NFATC3: variants seen among roughly 807,000 people sequenced by gnomAD.
NFATC3 encodes nuclear factor of activated T-cells, cytoplasmic 3.
A neutral mutation model predicts 98.6 loss-of-function variants in NFATC3; 46 were observed. The ratio of observed to expected loss-of-function variants is 0.47; its 90% CI spans 0.37 to 0.60. The LOEUF (loss-of-function observed/expected upper bound fraction) is 0.60, where lower values mean the gene tolerates loss of function less well. Among genes scored for constraint, NFATC3 ranks in the 20% least tolerant of loss-of-function variants. NFATC3 has a pLI of 0.00. For missense variants in NFATC3, 1,256 were observed against 1,295.5 expected, an observed-to-expected ratio of 0.97 and a Z score of 0.47; for synonymous variants, 512 against 472.2, an observed-to-expected ratio of 1.08 and a Z score of -1.09.
chr16:68,186,634 C>T (rs925895440), intron 8 of NFATC3, among the ~76,000 whole-genome samples: 4 of 152,126 alleles, frequency 2.6e-5, no homozygotes, highest in Non-Finnish European at 5.9e-5. Context: ...TCCTTTGATC[C>T]ACATATAAAC....
Position 68,228,167 on chromosome 16 carries a change from C to T in NFATC3, c.*1696C>T, listed in dbSNP as rs569394915. On this transcript the variant is annotated 3_prime_UTR_variant, in exon 10 of 10. Transcript: ENST00000346183. ...ACAAAATATATTTTAGATTTCTCCC[C>T]TAAAGTTAGTTAGAGAAAAAGGTCT... The T allele has an allele frequency of 2.0e-5, 3 of 152,314 alleles. No individual in the cohort carries two copies. The highest frequency in any genetic ancestry group is 7.2e-5 in the African/African-American group (3 of 41,556). The allele number at this position is 152,314 out of a possible 1,614,324, so 9.4% of individuals were successfully genotyped here. A position where few individuals can be genotyped will look rare whatever the true frequency, so the allele number is the denominator to read the frequency against.
At chr16:68,198,115 T>G (rs1158352895) in intron 9 of NFATC3, among the ~76,000 whole-genome samples, 1 of 151,242 alleles carries the variant, frequency 6.6e-6, no homozygotes, top group Non-Finnish European at 1.5e-5. Context: ...AGCCCAGGAG[T>G]TTGAGAATAG....
intron 1 of NFATC3, among the ~76,000 whole-genome samples, chr16:68,104,769 C>T (rs147561310): frequency 0.037 from 5,655 of 151,828 alleles, 117 homozygotes; most frequent in Middle Eastern, 0.15. Context: ...ATTCTCCTGC[C>T]TCAGCCTCCC....
chr16:68,164,583 G>GCTA (rs1332107040), intron 4 of NFATC3, among the ~76,000 whole-genome samples: 1 of 152,106 alleles, frequency 6.6e-6, no homozygotes, highest in Non-Finnish European at 1.5e-5. Flanking sequence ...ATGTAGCAGT[G>GCTA]CTACACCTTG....
Position 68,190,835 on chromosome 16 carries a change from T to C in NFATC3, c.2166T>C (p.His722=). 1.9e-6 allele frequency: 3 copies of C among 1,614,230 alleles called. No individual in the cohort carries two copies. The highest frequency in any genetic ancestry group is 1.1e-5 in the South Asian group (1 of 91,084). Residue 722 remains histidine, a synonymous_variant, in exon 9 of 10, where the codon CAT becomes CAC. Transcript: ENST00000346183. ...CAGTTCCATCTTTGCCTGTGCCTCA[T>C]CCTGCTCAGACCCAGAGGCCTTCCT... ...LSSVPSLPVP[H]PAQTQRPSSD... is the part of the protein sequence containing the mutation.
intron 9 of NFATC3, among the ~76,000 whole-genome samples, chr16:68,192,525 A>G (rs1457936225): frequency 6.6e-6 from 1 of 151,898 alleles, no homozygotes; most frequent in African/African-American, 2.4e-5. Flanking sequence ...GTCCTTTTGC[A>G]AGATGAAGCT....
At position 68,085,399 on chromosome 16, in the gene NFATC3, T is replaced by TGGC; in HGVS notation, c.-278_-276dup. ...CGCGAGAGCGCACCCGCGGCGGCGG[T>TGGC]GGCGGCGACTGTGGGGGGGCGGCGG... On this transcript the variant is annotated 5_prime_UTR_variant, in exon 1 of 10. Coordinates refer to ENST00000346183, the MANE Select transcript of NFATC3 (RefSeq NM_173165.3). The TGGC allele has an allele frequency of 7.3e-6, 1 of 137,856 alleles. No homozygotes were observed. 8.5% of individuals were successfully genotyped at this position (137,856 alleles called of 1,614,324 possible).
At chr16:68,086,657 A>G (rs1598329359) in intron 1 of NFATC3, 1 of 985,434 alleles carries the variant, frequency 1.0e-6, no homozygotes, top group Non-Finnish European at 1.2e-6. Context: ...TCAAAAAGGA[A>G]ATGGATAAGA....
chr16:68,153,644 C>T (rs1474619539), intron 3 of NFATC3, among the ~76,000 whole-genome samples: 4 of 152,092 alleles, frequency 2.6e-5, no homozygotes, highest in Admixed American at 6.6e-5. Flanking sequence ...GACAGAGTCT[C>T]GCTCTGTCGC....
At chr16:68,210,439 C>T (rs73612259) in intron 9 of NFATC3, among the ~76,000 whole-genome samples, 1,999 of 152,212 alleles carry the variant, frequency 0.013, 43 homozygotes, top group African/African-American at 0.045. Context: ...CCACTGCACA[C>T]CAGCCTTGGT....
chr16:68,217,766 G>A (rs1159316629), intron 9 of NFATC3: 1 of 1,231,516 alleles, frequency 8.1e-7, no homozygotes, highest in Non-Finnish European at 1.0e-6. Context: ...CCCGAGGAAG[G>A]GATGGGAAAA....
At chr16:68,168,983 CTG>C (rs1413288338) in intron 5 of NFATC3, among the ~76,000 whole-genome samples, 3 of 152,142 alleles carry the variant, frequency 2.0e-5, no homozygotes, top group Non-Finnish European at 2.9e-5. Flanking sequence ...TAGGGTCTCA[CTG>C]TGTTTCTCAA....
At chr16:68,156,832 G>A (rs772111627) in intron 3 of NFATC3, among the ~76,000 whole-genome samples, 7 of 152,096 alleles carry the variant, frequency 4.6e-5, no homozygotes, top group Non-Finnish European at 8.8e-5. Context: ...CCAGCTACTC[G>A]GGAGGCTGAG....
intron 3 of NFATC3, among the ~76,000 whole-genome samples, chr16:68,152,034 A>T (rs992428898): frequency 1.2e-4 from 17 of 138,626 alleles, no homozygotes; most frequent in African/African-American, 4.7e-4. Flanking sequence ...GCGCCACTGC[A>T]CTCTAACCTA....
chr16:68,202,052 G>A (rs1222297102), intron 9 of NFATC3, among the ~76,000 whole-genome samples: 1 of 148,386 alleles, frequency 6.7e-6, no homozygotes, highest in Non-Finnish European at 1.5e-5. Flanking sequence ...TTATGATTGA[G>A]TTAACCGAAT....
intron 3 of NFATC3, among the ~76,000 whole-genome samples, chr16:68,137,919 C>T (rs751265365): frequency 3.3e-5 from 5 of 151,880 alleles, no homozygotes; most frequent in East Asian, 1.9e-4. Context: ...CGTGCCCGGC[C>T]GTATGTTTCA....
At chr16:68,192,154 G>A (rs2040435412) in intron 9 of NFATC3, 1 of 147,878 alleles carries the variant, frequency 6.8e-6, no homozygotes, top group Non-Finnish European at 1.4e-5. Context: ...GTTGCAGGGA[G>A]CTAAGATCGC....
intron 9 of NFATC3, among the ~76,000 whole-genome samples, chr16:68,195,511 GA>G (rs901359130): frequency 1.3e-5 from 2 of 148,674 alleles, no homozygotes; most frequent in Admixed American, 6.7e-5. Flanking sequence ...CTCTAAAATT[GA>G]AAAAAAAATG....
chr16:68,151,713 A>T (rs1007221449), intron 3 of NFATC3, among the ~76,000 whole-genome samples: 1 of 152,112 alleles, frequency 6.6e-6, no homozygotes, highest in Non-Finnish European at 1.5e-5. Context: ...CACAACATTT[A>T]AAAAATGCCT....
Sources: gnomAD v4.1 joint callset for allele counts (sites outside exome capture counted in the v4.1 genomes callset) on GRCh38, gnomAD v4.1.1 for gene constraint, MANE v1.5 for transcripts, NCBI Gene and HGNC (gene_info 2026-07-23, HGNC 2026-07-21) for gene names.